The following KIAA0513 variants were observed in gnomAD, a reference collection of about 807,000 sequenced individuals.
KIAA0513 encodes the protein uncharacterized protein KIAA0513.
In KIAA0513, 39 loss-of-function variants were observed where a neutral mutation model predicts 56.5. The observed-to-expected ratio is 0.69, with a 90% CI of 0.53 to 0.90. The LOEUF is 0.90. Ranked by LOEUF, KIAA0513 falls within the 40% of genes least tolerant of loss-of-function variation. KIAA0513 has a pLI of 0.00. For missense variants in KIAA0513, 591 were observed against 535.2 expected, an observed-to-expected ratio of 1.10 and a Z score of -1.03; for synonymous variants, 268 against 215.6, an observed-to-expected ratio of 1.24 and a Z score of -2.13.
chr16:85,049,462 G>A (rs80325744), intron 1 of KIAA0513, among the ~76,000 whole-genome samples: 7 of 152,330 alleles, frequency 4.6e-5, no homozygotes, highest in African/African-American at 1.7e-4. Flanking sequence ...GTAATCTCCA[G>A]TGTTGGAGGT....
intron 7 of KIAA0513, 160 bp from the exon 8 acceptor site, chr16:85,078,765 G>A (rs576585762): frequency 7.9e-6 from 2 of 254,142 alleles, no homozygotes; most frequent in East Asian, 1.8e-4. Flanking sequence ...GAATAGCACC[G>A]TTACTGGCTA....
intron 1 of KIAA0513, among the ~76,000 whole-genome samples, chr16:85,054,310 A>G (rs2073296769): frequency 6.6e-6 from 1 of 152,244 alleles, no homozygotes; most frequent in Non-Finnish European, 1.5e-5. Context: ...AAATATAAGC[A>G]AAATAAATTG....
intron 1 of KIAA0513, among the ~76,000 whole-genome samples, chr16:85,064,850 A>T (rs1189919904): frequency 6.6e-6 from 1 of 151,954 alleles, no homozygotes; most frequent in Non-Finnish European, 1.5e-5. Flanking sequence ...ATGCCTGGCT[A>T]ATTTTTGTAT....
At chr16:85,028,184 G>T (rs1173084091) in intron 1 of KIAA0513, among the ~76,000 whole-genome samples, 1 of 152,194 alleles carries the variant, frequency 6.6e-6, no homozygotes, top group Non-Finnish European at 1.5e-5. Context: ...TGGAGGAGGC[G>T]CCCCCAACCC....
At position 85,094,141 on chromosome 16, in the gene KIAA0513, G is replaced by A. The variant is rs1041723242; in HGVS notation, c.*5816G>A. The A allele has an allele frequency of 6.6e-5, 10 of 151,392 alleles. No homozygotes were observed. Among genetic ancestry groups the A allele is most frequent in the African/African-American group, 2.4e-4 (10 of 41,092 alleles). 9.4% of individuals were successfully genotyped at this position (151,392 alleles called of 1,614,324 possible). Reference sequence around the variant, plus strand: ...ATCTCAAAACAGTGCTAAAATCAAAGGTGTTTGCTGTGAAGAAAAACATGT... The same window carrying A: ...ATCTCAAAACAGTGCTAAAATCAAAAGTGTTTGCTGTGAAGAAAAACATGT... On this transcript the variant is annotated 3_prime_UTR_variant, in exon 13 of 13. Coordinates refer to ENST00000683363, the MANE Select transcript of KIAA0513 (RefSeq NM_001388359.1).
intron 1 of KIAA0513, among the ~76,000 whole-genome samples, chr16:85,046,491 T>C (rs1307449744): frequency 1.3e-5 from 2 of 152,220 alleles, no homozygotes; most frequent in Middle Eastern, 3.2e-3. Context: ...GCCTTCGTCA[T>C]TTCTAGTCCC....
chr16:85,046,925 G>C (rs2073179237), intron 1 of KIAA0513, among the ~76,000 whole-genome samples: 1 of 152,124 alleles, frequency 6.6e-6, no homozygotes, highest in Admixed American at 6.5e-5. Context: ...GTCTCTGTTA[G>C]CTCAGATAAG....
Position 85,032,067 on chromosome 16 carries a change from A to T in KIAA0513, c.-173+4209A>T, listed in dbSNP as rs539894006. 2.0e-5 allele frequency among the ~76,000 whole-genome samples: 3 copies of T among 152,284 alleles called. No individual in the cohort carries two copies. In the South Asian group the frequency reaches 6.2e-4, roughly 32 times the overall value. ...TATTCTCACAGTTCTGGAGAACAGA[A>T]GTCCAAAATTAAGGTGTCGACAGGG... On this transcript the variant is annotated intron_variant, in intron 1 of 12. Transcript: ENST00000683363.
chr16:85,051,763 T>G (rs922135171), intron 1 of KIAA0513, among the ~76,000 whole-genome samples: 4 of 151,938 alleles, frequency 2.6e-5, no homozygotes, highest in Admixed American at 2.6e-4. Context: ...CGGGGTTTGT[T>G]TGGGATTTCT....
chr16:85,039,908 C>G lies in KIAA0513; in HGVS notation c.-173+12050C>G, dbSNP rs139563195. On this transcript the variant is annotated intron_variant, in intron 1 of 12. Transcript: ENST00000683363. ...GGAGTGCAGTGGCACCATCTTGGCTCCCTACACCCTCCGCCTCCCAGGTTC... is the reference window on the plus strand; with the variant it reads ...GGAGTGCAGTGGCACCATCTTGGCTGCCTACACCCTCCGCCTCCCAGGTTC... Among the ~76,000 whole-genome samples, 144 of 152,000 alleles carry G rather than the reference C, an allele frequency of 9.5e-4. 3 individuals are homozygous for G. The East Asian group carries it at 0.018, about 19-fold the overall frequency.
At position 85,081,570 on chromosome 16, in the gene KIAA0513, G is replaced by T. The variant is rs542689883; in HGVS notation, c.980+178G>T. On this transcript the variant is annotated intron_variant, in intron 9 of 12. Coordinates refer to ENST00000683363, the MANE Select transcript of KIAA0513 (RefSeq NM_001388359.1). The surrounding 1 kb of genome is among the most constrained non-coding windows in gnomAD (Gnocchi z 4.4). ...CCTGAGGGGTCACAGCTTCATGGGTGGGGGTGCTCAGCTTGCATGAGCGCT... is the reference window on the plus strand; with the variant it reads ...CCTGAGGGGTCACAGCTTCATGGGTTGGGGTGCTCAGCTTGCATGAGCGCT... Among the ~76,000 whole-genome samples, 2 of 152,092 alleles carry T rather than the reference G, an allele frequency of 1.3e-5. No individual in the cohort carries two copies. The highest frequency in any genetic ancestry group is 1.3e-4 in the Admixed American group (2 of 15,274).
At chr16:85,061,256 A>G (rs930289058) in intron 1 of KIAA0513, among the ~76,000 whole-genome samples, 1 of 152,192 alleles carries the variant, frequency 6.6e-6, no homozygotes, top group Non-Finnish European at 1.5e-5. Flanking sequence ...TTCCTATCAC[A>G]AGCCTTAATA....
At chr16:85,035,116 A>G (rs1050654056) in intron 1 of KIAA0513, among the ~76,000 whole-genome samples, 8 of 151,932 alleles carry the variant, frequency 5.3e-5, no homozygotes, top group African/African-American at 1.5e-4. Flanking sequence ...CCCAGGCCCC[A>G]GGACATCTTC....
intron 1 of KIAA0513, among the ~76,000 whole-genome samples, chr16:85,061,377 C>T (rs1020814198): frequency 2.0e-5 from 3 of 152,152 alleles, no homozygotes; most frequent in Non-Finnish European, 2.9e-5. Context: ...CCTGGTTCTC[C>T]AGCTGACCTG....
At chr16:85,039,459 C>T (rs536278261) in intron 1 of KIAA0513, among the ~76,000 whole-genome samples, 45 of 152,264 alleles carry the variant, frequency 3.0e-4, no homozygotes, top group African/African-American at 9.6e-4. Flanking sequence ...TGTGCCACCA[C>T]GCCCAGCTAC....
chr16:85,057,368 C>T (rs368088055), intron 1 of KIAA0513, among the ~76,000 whole-genome samples: 20 of 152,206 alleles, frequency 1.3e-4, no homozygotes, highest in East Asian at 9.6e-4. Context: ...GTTTCTCCCC[C>T]ATCACCAAGT....
intron 4 of KIAA0513, among the ~76,000 whole-genome samples, chr16:85,074,496 C>T (rs902761563): frequency 6.6e-6 from 1 of 152,124 alleles, no homozygotes; most frequent in Non-Finnish European, 1.5e-5. Flanking sequence ...TCTCTTGAGT[C>T]CCAGTTCTCC....
Position 85,081,486 on chromosome 16 carries a change from C to G in KIAA0513, c.980+94C>G. The G allele has an allele frequency of 8.9e-7, 1 of 1,118,670 alleles. No homozygotes were observed. Among genetic ancestry groups the G allele is most frequent in the Non-Finnish European group, 1.3e-6 (1 of 754,442 alleles). 69.3% of individuals were successfully genotyped at this position (1,118,670 alleles called of 1,614,324 possible). ...TCGGAAGAGGAGAGCAGAAGAGCAG[C>G]TGAGTGGACGTGTCTGTTTTTTCTT... On this transcript the variant is annotated intron_variant, in intron 9 of 12. Transcript: ENST00000683363. The surrounding 1 kb of genome is among the most constrained non-coding windows in gnomAD (Gnocchi z 4.4).
chr16:85,077,636 C>G lies in KIAA0513; in HGVS notation c.782+4C>G, dbSNP rs1399001947. 1.9e-6 allele frequency: 3 copies of G among 1,601,904 alleles called. No homozygotes were observed. In the African/African-American group the frequency reaches 4.0e-5, roughly 21 times the overall value. On this transcript the variant is annotated splice_donor_region_variant and intron_variant, in intron 6 of 12. Coordinates refer to ENST00000683363, the MANE Select transcript of KIAA0513 (RefSeq NM_001388359.1). ...GGCCCCTGGCCAGGAGGAACGAGTA[C>G]GTGTGGCCTTGGGGTCCCTCCCACC...
Sources: gnomAD v4.1 joint callset for allele counts (sites outside exome capture counted in the v4.1 genomes callset) on GRCh38, gnomAD v4.1.1 for gene constraint, Gnocchi (gnomAD v3.1) non-coding constraint, MANE v1.5 for transcripts, NCBI Gene and HGNC (gene_info 2026-07-23, HGNC 2026-07-21) for gene names.